HEMK2: variants seen among roughly 807,000 people sequenced by gnomAD.
HEMK2 encodes methyltransferase HEMK2.
chr21:28,710,506 T>A, the HEMK2 span, among the ~76,000 whole-genome samples: 1 of 152,218 alleles, frequency 6.6e-6, no homozygotes, highest in Non-Finnish European at 1.5e-5. Flanking sequence ...ACTTTCTCCA[T>A]ATGTGTGTGG....
At chr21:28,860,437 C>T in the HEMK2 span, among the ~76,000 whole-genome samples, 1 of 150,030 alleles carries the variant, frequency 6.7e-6, no homozygotes, top group Admixed American at 6.7e-5. Flanking sequence ...ACTTAATAAA[C>T]TCCCCTTTAT....
the HEMK2 span, among the ~76,000 whole-genome samples, chr21:28,720,091 G>A: frequency 1.3e-5 from 2 of 152,208 alleles, no homozygotes; most frequent in Non-Finnish European, 2.9e-5. Context: ...CAGTGCTGAA[G>A]TGTTGTCTAG....
At chr21:28,841,601 T>C in the HEMK2 span, among the ~76,000 whole-genome samples, 8 of 148,188 alleles carry the variant, frequency 5.4e-5, no homozygotes, top group African/African-American at 1.2e-4. Flanking sequence ...CTCACTGATA[T>C]GTGGGAGCTA....
the HEMK2 span, among the ~76,000 whole-genome samples, chr21:28,628,306 T>C: frequency 5.3e-5 from 8 of 152,320 alleles, no homozygotes; most frequent in Admixed American, 1.3e-4. Flanking sequence ...GGTGTTTTTA[T>C]TTTATAAAGA....
At chr21:28,797,192 C>T in the HEMK2 span, among the ~76,000 whole-genome samples, 95 of 151,578 alleles carry the variant, frequency 6.3e-4, no homozygotes, top group Non-Finnish European at 1.2e-3. Context: ...CTGGGGCCCA[C>T]AGTCATCCCC....
the HEMK2 span, among the ~76,000 whole-genome samples, chr21:28,797,455 C>CA: frequency 2.1e-5 from 3 of 143,192 alleles, no homozygotes; most frequent in African/African-American, 8.3e-5. Context: ...AAAAAAAAAA[C>CA]AAAAAACAAA....
chr21:28,831,510 A>AGAAG, the HEMK2 span, among the ~76,000 whole-genome samples: 7 of 88,032 alleles, frequency 8.0e-5, no homozygotes, highest in South Asian at 3.8e-4. Context: ...AAAGAAAGAA[A>AGAAG]GAAAGAAAGA....
At chr21:28,780,561 T>C in the HEMK2 span, among the ~76,000 whole-genome samples, 1 of 151,986 alleles carries the variant, frequency 6.6e-6, no homozygotes, top group Non-Finnish European at 1.5e-5. Context: ...TCTGCCCGCC[T>C]TGGCATCCCA....
the HEMK2 span, among the ~76,000 whole-genome samples, chr21:28,814,297 A>T: frequency 3.7e-3 from 497 of 133,856 alleles, 2 homozygotes; most frequent in African/African-American, 0.014. Context: ...AACCTAGGCA[A>T]TACCATTCAG....
At chr21:28,797,442 C>A in the HEMK2 span, among the ~76,000 whole-genome samples, 11,994 of 127,052 alleles carry the variant, frequency 0.094, 1,095 homozygotes, top group African/African-American at 0.27. Context: ...CCAAAAAAAA[C>A]AAAAAAAAAA....
the HEMK2 span, among the ~76,000 whole-genome samples, chr21:28,738,603 C>G: frequency 6.6e-6 from 1 of 152,158 alleles, no homozygotes; most frequent in Non-Finnish European, 1.5e-5. Context: ...TTCTGTGACC[C>G]GGGAAACAGT....
At chr21:28,741,695 C>G in the HEMK2 span, among the ~76,000 whole-genome samples, 2 of 152,144 alleles carry the variant, frequency 1.3e-5, no homozygotes, top group Non-Finnish European at 2.9e-5. Flanking sequence ...ATACTAAGGC[C>G]TCTAGCTTCG....
At chr21:28,681,777 C>T in the HEMK2 span, among the ~76,000 whole-genome samples, 108 of 151,864 alleles carry the variant, frequency 7.1e-4, no homozygotes, top group African/African-American at 2.6e-3. Flanking sequence ...TTTTGACAAA[C>T]CTGACAAAAA....
At chr21:28,658,975 G>A in the HEMK2 span, among the ~76,000 whole-genome samples, 14 of 152,206 alleles carry the variant, frequency 9.2e-5, no homozygotes, top group Admixed American at 2.0e-4. Flanking sequence ...GCCACCAACA[G>A]TGTTGAGTAG....
the HEMK2 span, among the ~76,000 whole-genome samples, chr21:28,779,476 AGAG>A: frequency 1.3e-5 from 2 of 152,168 alleles, no homozygotes; most frequent in African/African-American, 4.8e-5. Context: ...AGGGTGTTGG[AGAG>A]GTGTTGATCA....
chr21:28,765,124 T>C, the HEMK2 span, among the ~76,000 whole-genome samples: 1 of 152,044 alleles, frequency 6.6e-6, no homozygotes, highest in Non-Finnish European at 1.5e-5. Context: ...AGGGAGCAAG[T>C]GGGTATGTTG....
chr21:28,677,228 A>C, the HEMK2 span, among the ~76,000 whole-genome samples: 89 of 152,358 alleles, frequency 5.8e-4, no homozygotes, highest in African/African-American at 2.1e-3. Flanking sequence ...CAGTCTTAGC[A>C]AACGGCACAA....
the HEMK2 span, among the ~76,000 whole-genome samples, chr21:28,727,270 C>T: frequency 9.9e-4 from 150 of 152,200 alleles, no homozygotes; most frequent in Non-Finnish European, 1.6e-3. Flanking sequence ...GACACCCACA[C>T]ATTTACATAC....
the HEMK2 span, among the ~76,000 whole-genome samples, chr21:28,670,402 G>A: frequency 6.6e-6 from 1 of 152,060 alleles, no homozygotes; most frequent in Non-Finnish European, 1.5e-5. Context: ...GCCATGTGTG[G>A]TATCTTTTAC....
Sources: gnomAD v4.1 joint callset for allele counts (sites outside exome capture counted in the v4.1 genomes callset) on GRCh38, gnomAD v4.1.1 for gene constraint, MANE v1.5 for transcripts, NCBI Gene and HGNC (gene_info 2026-07-23, HGNC 2026-07-21) for gene names.